The following MACF1 variants were observed in gnomAD, a reference collection of about 807,000 sequenced individuals.
The protein encoded by MACF1 is microtubule actin crosslinking factor 1, also known as microtubule-actin cross-linking factor 1.
Under a neutral mutation model 854.8 loss-of-function variants are expected in MACF1, and 193 were observed. That is an observed-to-expected ratio of 0.23 (90% CI 0.20 to 0.25). The LOEUF (loss-of-function observed/expected upper bound fraction) is 0.25, where lower values mean the gene tolerates loss of function less well. MACF1 is among the 10% of genes least tolerant of loss of function. MACF1 has a pLI of 1.00. For synonymous variants in MACF1, 3,185 were observed against 3,226.7 expected, an observed-to-expected ratio of 0.99 and a Z score of 0.44; for missense variants, 7,722 against 8,929.1, an observed-to-expected ratio of 0.86 and a Z score of 5.45.
intron 26 of MACF1, among the ~76,000 whole-genome samples, chr1:39,313,065 C>A (rs1457760957): frequency 1.3e-5 from 2 of 152,092 alleles, no homozygotes; most frequent in Non-Finnish European, 2.9e-5. Context: ...TCTTTCATGA[C>A]CTTAACATTT....
chr1:39,272,164 C>T (rs1008701828), intron 6 of MACF1, among the ~76,000 whole-genome samples: 1 of 152,350 alleles, frequency 6.6e-6, no homozygotes, highest in East Asian at 1.9e-4. Flanking sequence ...GGACCACAGA[C>T]TCACCATCCT....
In MACF1 at chr1:39,319,032, G is replaced by T. The variant is rs534652990; in HGVS notation, c.3945+417G>T. 3.0e-4 allele frequency among the ~76,000 whole-genome samples: 44 copies of T among 145,262 alleles called. 1 individual carries two copies. The highest frequency in any genetic ancestry group is 3.4e-3 in the Middle Eastern group (1 of 290). On this transcript the variant is annotated intron_variant, in intron 30 of 100. Coordinates refer to ENST00000564288, the MANE Select transcript of MACF1 (RefSeq NM_001394062.1). The stretch of plus-strand genomic sequence containing the variant: ...TTGGTATTTTGTTTTGTTTTGTTTT[G>T]TTTAGCATTATGGTTAAGAGTATGA...
chr1:39,410,205 T>C (rs779034460), intron 58 of MACF1: 87 of 1,275,572 alleles, frequency 6.8e-5, no homozygotes, highest in South Asian at 1.2e-4. Context: ...TAGAATGCAT[T>C]TGGGGGGAAC....
Position 39,156,982 on chromosome 1 carries a change from T to C in MACF1, c.220+72544T>C, listed in dbSNP as rs62945863. 3.9e-3 allele frequency among the ~76,000 whole-genome samples: 461 copies of C among 117,836 alleles called. 3 individuals carry two copies. Among genetic ancestry groups the C allele is most frequent in the Non-Finnish European group, 4.2e-3 (228 of 54,736 alleles). 77.3% of individuals were successfully genotyped at this position (117,836 alleles called of 152,430 possible). ...TTCCATTATCTTTTTTTTTTTTTTT[T>C]CCTCTAAGTTGGGGTCTTGCTCTGT... On this transcript the variant is annotated intron_variant, in intron 2 of 93. Transcript: ENST00000361689.
Position 39,322,995 on chromosome 1 carries a change from T to TGGA in MACF1, c.4235_4236+1dup. 2 of 1,613,974 alleles carry TGGA rather than the reference T, an allele frequency of 1.2e-6. No homozygotes were observed. Among genetic ancestry groups the TGGA allele is most frequent in the Non-Finnish European group, 1.7e-6 (2 of 1,179,900 alleles). Reference sequence around the variant, plus strand: ...TACATCAGTGATGCACTCCGGCGTCTGGAGGAGGAGGAGGTGAGGACAGTT... The same window carrying TGGA: ...TACATCAGTGATGCACTCCGGCGTCTGGAGGAGGAGGAGGAGGTGAGGACAGTT... On this transcript the variant is annotated inframe_insertion, in exon 33 of 101. Coordinates refer to ENST00000564288, the MANE Select transcript of MACF1 (RefSeq NM_001394062.1).
chr1:39,231,228 CAAGCACTTA>C lies in MACF1; in HGVS notation c.158_166del (p.Lys53_Leu55del). The C allele has an allele frequency of 6.2e-7, 1 of 1,614,188 alleles. No individual in the cohort carries two copies. Among genetic ancestry groups the C allele is most frequent in the Non-Finnish European group, 8.5e-7 (1 of 1,180,010 alleles). ...AGAAAACGTTCACCAAGTGGGTCAA[CAAGCACTTA>C]ATGAAGGTAGGACCCTTTCATATAT... On this transcript the variant is annotated inframe_deletion, in exon 2 of 101. Coordinates refer to ENST00000564288, the MANE Select transcript of MACF1 (RefSeq NM_001394062.1).
chr1:39,273,812 G>A (rs1296087909), intron 6 of MACF1, among the ~76,000 whole-genome samples: 2 of 152,016 alleles, frequency 1.3e-5, no homozygotes, highest in African/African-American at 2.4e-5. Flanking sequence ...GGATGGTCTC[G>A]ATCTCCTGAC....
chr1:39,188,145 A>G (rs1379541735), intron 2 of MACF1, among the ~76,000 whole-genome samples: 1 of 151,908 alleles, frequency 6.6e-6, no homozygotes, highest in Non-Finnish European at 1.5e-5. Context: ...CACATTTAAG[A>G]CTTGGGCCCT....
At chr1:39,130,562 T>G (rs1642975198) in intron 2 of MACF1, among the ~76,000 whole-genome samples, 2 of 152,184 alleles carry the variant, frequency 1.3e-5, no homozygotes, top group South Asian at 4.1e-4. Context: ...AGATCAAGTT[T>G]CCTGGGTGCG....
intron 45 of MACF1, among the ~76,000 whole-genome samples, chr1:39,358,209 CAG>C (rs1319276996): frequency 2.0e-5 from 3 of 152,176 alleles, no homozygotes; most frequent in Non-Finnish European, 4.4e-5. Context: ...ACATAGCACA[CAG>C]GGGAAATTTA....
chr1:39,287,531 A>G lies in MACF1; in HGVS notation c.1754A>G (p.Tyr585Cys). The G allele has an allele frequency of 6.2e-7, 1 of 1,614,224 alleles. No homozygotes were observed. The highest frequency in any genetic ancestry group is 8.5e-7 in the Non-Finnish European group (1 of 1,180,040). ...SEDEGNLRFV[Y>C]ELLSWVEEMQ... Reference sequence around the variant, plus strand: ...GATGAAGGCAATCTCCGATTTGTGTATGAACTACTGTCTTGGGTAGAAGAG... The same window carrying G: ...GATGAAGGCAATCTCCGATTTGTGTGTGAACTACTGTCTTGGGTAGAAGAG... The change falls in exon 15 of 101, where the codon TAT becomes TGT. Residue 585 changes from tyrosine to cysteine, a missense_variant. By Grantham distance (194) the Tyr-to-Cys change is radical. This residue lies in a region of MACF1 where 1,137 missense variants were observed against 1,263.0 expected (regional missense o/e 0.90). Coordinates refer to ENST00000564288, the MANE Select transcript of MACF1 (RefSeq NM_001394062.1).
chr1:39,368,660 C>T (rs1206523393), intron 50 of MACF1, among the ~76,000 whole-genome samples: 2 of 152,082 alleles, frequency 1.3e-5, no homozygotes, highest in African/African-American at 4.8e-5. Context: ...CACCACCATG[C>T]TCAGCTAATT....
chr1:39,168,494 TGTGTGTGTGC>T (rs1356808351), intron 2 of MACF1, among the ~76,000 whole-genome samples: 1 of 152,098 alleles, frequency 6.6e-6, no homozygotes, highest in Non-Finnish European at 1.5e-5. Flanking sequence ...ATATGTTTTT[TGTGTGTGTGC>T]GTGTGTGTGG....
chr1:39,418,814 G>A (rs1178602118), intron 58 of MACF1, among the ~76,000 whole-genome samples: 1 of 151,744 alleles, frequency 6.6e-6, no homozygotes, highest in Non-Finnish European at 1.5e-5. Flanking sequence ...AGTGAGCTGA[G>A]ATTATGTCAC....
chr1:39,464,862 C>T (rs369793694), intron 94 of MACF1: 8 of 468,358 alleles, frequency 1.7e-5, no homozygotes, highest in African/African-American at 1.6e-4. Context: ...TGCAGTGAGC[C>T]ATGATCGCGC....
At chr1:39,376,224 C>A (rs1649710551) in intron 52 of MACF1, among the ~76,000 whole-genome samples, 1 of 152,110 alleles carries the variant, frequency 6.6e-6, no homozygotes, top group African/African-American at 2.4e-5. Flanking sequence ...GTTTTATTAT[C>A]ATTTCTAAGT....
intron 99 of MACF1, among the ~76,000 whole-genome samples, chr1:39,481,524 T>C (rs1366671068): frequency 2.0e-5 from 3 of 152,216 alleles, no homozygotes; most frequent in Non-Finnish European, 4.4e-5. Context: ...GCGTGGGTGC[T>C]GTCTCCTTCA....
intron 47 of MACF1, among the ~76,000 whole-genome samples, chr1:39,360,005 AAAAAAAAATATATATATATATATAT>A (rs1647955218): frequency 4.3e-5 from 3 of 69,476 alleles, no homozygotes; most frequent in African/African-American, 1.4e-4. Flanking sequence ...AAAAAAAAAA[AAAAAAAAATATATATATATATATAT>A]ATATATATAT....
chr1:39,264,662 C>CTTT (rs35145613), intron 6 of MACF1, among the ~76,000 whole-genome samples: 13 of 81,608 alleles, frequency 1.6e-4, no homozygotes, highest in African/African-American at 4.0e-4. Context: ...GATAGGATTT[C>CTTT]TTTTTTTTTT....
Sources: allele counts gnomAD v4.1 joint callset (sites outside exome capture counted in the v4.1 genomes callset), GRCh38; gene constraint gnomAD v4.1.1; regional missense constraint gnomAD v4.1.1; transcripts MANE v1.5; gene names NCBI Gene and HGNC (gene_info 2026-07-23, HGNC 2026-07-21).